Variants in NCALD observed in about 807,000 individuals in gnomAD.
The protein encoded by NCALD is neurocalcin delta, also known as neurocalcin-delta.
Under a neutral mutation model 18.6 loss-of-function variants are expected in NCALD, and 10 were observed. That is an observed-to-expected ratio of 0.54 (90% CI 0.33 to 0.91). The LOEUF (loss-of-function observed/expected upper bound fraction) is 0.91. NCALD is among the 40% of genes least tolerant of loss of function. The pLI, the probability that NCALD is intolerant of heterozygous loss-of-function variation, is 0.03. For synonymous variants in NCALD, 88 were observed against 87.4 expected, an observed-to-expected ratio of 1.01 and a Z score of -0.04; for missense variants, 184 against 247.6, an observed-to-expected ratio of 0.74 and a Z score of 1.72.
At chr8:101,841,208 G>A (rs1008337830) in intron 4 of NCALD, among the ~76,000 whole-genome samples, 4 of 152,118 alleles carry the variant, frequency 2.6e-5, no homozygotes, top group African/African-American at 9.7e-5. Context: ...GTAGACTGAG[G>A]GCTGGTTGGC....
rs147785088 is a variant in NCALD, at chr8:101,783,153, G to T, written c.-20+7709C>A. On this transcript the variant is annotated intron_variant, in intron 1 of 3. Transcript: ENST00000220931. ...ATTTTCATAGGCACTTAACTCTAGG[G>T]CTCACTGTACAGAGTTAACAAATGC... 2.4e-4 allele frequency among the ~76,000 whole-genome samples: 36 copies of T among 152,292 alleles called. No individual in the cohort carries two copies. In the East Asian group the frequency reaches 6.8e-3, roughly 29 times the overall value.
At chr8:101,721,363 C>A (rs183756207) in intron 1 of NCALD, 1 of 152,390 alleles carries the variant, frequency 6.6e-6, no homozygotes, top group Non-Finnish European at 1.5e-5. Context: ...TAGAGCCCAC[C>A]GCAAATGGCA....
At chr8:101,933,015 A>G (rs1818634132) in intron 2 of NCALD, among the ~76,000 whole-genome samples, 1 of 152,222 alleles carries the variant, frequency 6.6e-6, no homozygotes, top group African/African-American at 2.4e-5. Context: ...GGATGCACAC[A>G]TATGCACATA....
At chr8:101,728,994 A>T (rs1816696684) in intron 1 of NCALD, among the ~76,000 whole-genome samples, 1 of 152,250 alleles carries the variant, frequency 6.6e-6, no homozygotes, top group Admixed American at 6.5e-5. Context: ...GAACTATCAA[A>T]GTTGTGGATG....
intron 4 of NCALD, among the ~76,000 whole-genome samples, chr8:101,839,150 T>C (rs1814534938): frequency 6.6e-6 from 1 of 152,156 alleles, no homozygotes; most frequent in African/African-American, 2.4e-5. Flanking sequence ...GAGTTCACAG[T>C]CTGCACTGAG....
intron 1 of NCALD, among the ~76,000 whole-genome samples, chr8:102,064,638 G>T (rs1823946851): frequency 6.6e-6 from 1 of 152,196 alleles, no homozygotes; most frequent in Non-Finnish European, 1.5e-5. Flanking sequence ...GCCCCTTGGG[G>T]ATGGCAGCTA....
chr8:101,877,172 G>A (rs113308141), intron 4 of NCALD, among the ~76,000 whole-genome samples: 9 of 152,300 alleles, frequency 5.9e-5, no homozygotes, highest in South Asian at 2.1e-4. Flanking sequence ...GAAGTAAAAC[G>A]CATCTACAAA....
chr8:101,740,122 A>G (rs1586363033), intron 1 of NCALD, among the ~76,000 whole-genome samples: 1 of 152,168 alleles, frequency 6.6e-6, no homozygotes, highest in East Asian at 1.9e-4. Flanking sequence ...CTCTACTCCT[A>G]ATCTCACCAT....
intron 1 of NCALD, among the ~76,000 whole-genome samples, chr8:102,047,735 A>G (rs77567329): frequency 1.3e-5 from 2 of 152,062 alleles, no homozygotes; most frequent in Non-Finnish European, 2.9e-5. Context: ...ATTTACTTCT[A>G]CGGACAATCT....
At chr8:101,927,734 C>CTG (rs1818390607) in intron 2 of NCALD, among the ~76,000 whole-genome samples, 1 of 152,092 alleles carries the variant, frequency 6.6e-6, no homozygotes, top group Non-Finnish European at 1.5e-5. Context: ...GTTGTGTCTA[C>CTG]CCAGTGTCCT....
chr8:101,800,544 T>C (rs1014910624), intron 4 of NCALD, among the ~76,000 whole-genome samples: 1 of 151,870 alleles, frequency 6.6e-6, no homozygotes, highest in African/African-American at 2.4e-5. Flanking sequence ...TACCATAATA[T>C]ATAAACTGAC....
At chr8:102,003,892 G>C (rs1314385821) in intron 2 of NCALD, among the ~76,000 whole-genome samples, 1 of 152,098 alleles carries the variant, frequency 6.6e-6, no homozygotes, top group Admixed American at 6.5e-5. Context: ...AATAATAAGA[G>C]CTATTTATGA....
intron 2 of NCALD, among the ~76,000 whole-genome samples, chr8:101,919,338 T>C (rs920930594): frequency 3.3e-5 from 5 of 152,142 alleles, no homozygotes; most frequent in Non-Finnish European, 5.9e-5. Flanking sequence ...TGCAAAAGAA[T>C]GAAACTGTAC....
chr8:101,889,102 T>A (rs1281528632), intron 3 of NCALD, among the ~76,000 whole-genome samples: 2 of 152,224 alleles, frequency 1.3e-5, no homozygotes, highest in African/African-American at 4.8e-5. Context: ...TGGCATTCAC[T>A]TTTTGTTCTT....
intron 2 of NCALD, among the ~76,000 whole-genome samples, chr8:102,005,652 AT>A (rs1172704884): frequency 6.6e-6 from 1 of 152,220 alleles, no homozygotes; most frequent in Non-Finnish European, 1.5e-5. Flanking sequence ...GATAGACTGG[AT>A]TAAGAAAATG....
At position 101,739,935 on chromosome 8, in the gene NCALD, C is replaced by A. The variant is rs117884550; in HGVS notation, c.-19-20287G>T. 6.9e-3 allele frequency among the ~76,000 whole-genome samples: 1,054 copies of A among 152,218 alleles called. 35 individuals carry two copies. Among genetic ancestry groups the A allele is most frequent in the Admixed American group, 0.05 (765 of 15,294 alleles). The stretch of plus-strand genomic sequence containing the variant: ...CTCTAGAGACCCCTGACTAATACAC[C>A]CTGCTAAAATGGAGGCTTCATGAGG... On this transcript the variant is annotated intron_variant, in intron 1 of 3. Coordinates refer to ENST00000220931, the MANE Select transcript of NCALD (RefSeq NM_032041.3).
intron 3 of NCALD, among the ~76,000 whole-genome samples, chr8:101,909,965 T>C (rs1254102781): frequency 6.6e-6 from 1 of 152,164 alleles, no homozygotes; most frequent in Non-Finnish European, 1.5e-5. Context: ...GTCTCCACTA[T>C]TGCCTATCAT....
chr8:102,050,791 AT>A (rs894127340), intron 1 of NCALD, among the ~76,000 whole-genome samples: 13 of 145,344 alleles, frequency 8.9e-5, no homozygotes, highest in African/African-American at 1.2e-4. Context: ...TAATTAACTA[AT>A]TTTTAATTTA....
At chr8:101,841,720 T>A (rs565236842) in intron 4 of NCALD, among the ~76,000 whole-genome samples, 1 of 152,102 alleles carries the variant, frequency 6.6e-6, no homozygotes, top group East Asian at 1.9e-4. Context: ...AGAGGGTGAA[T>A]CTTGACTGGT....
Sources: allele counts gnomAD v4.1 joint callset (sites outside exome capture counted in the v4.1 genomes callset), GRCh38; gene constraint gnomAD v4.1.1; transcripts MANE v1.5; gene names NCBI Gene and HGNC (gene_info 2026-07-23, HGNC 2026-07-21).